Variants in NKAIN3 observed in about 807,000 individuals in gnomAD.
NKAIN3 encodes sodium/potassium-transporting ATPase subunit beta-1-interacting protein 3.
In NKAIN3, 25 loss-of-function variants were observed where a neutral mutation model predicts 30.2. The ratio of observed to expected loss-of-function variants is 0.83; its 90% CI spans 0.60 to 1.16. The LOEUF (loss-of-function observed/expected upper bound fraction) is 1.16. Ranked by LOEUF, NKAIN3 falls within the 50% of genes most tolerant of loss-of-function variation. The pLI is 0.00. For missense variants in NKAIN3, 225 were observed against 254.1 expected (o/e 0.89, Z 0.78); for synonymous variants, 91 against 89.6 (o/e 1.02, Z -0.09).
chr8:62,529,372 T>A (rs926323651), intron 1 of NKAIN3, among the ~76,000 whole-genome samples: 1 of 152,184 alleles, frequency 6.6e-6, no homozygotes, highest in Non-Finnish European at 1.5e-5. Flanking sequence ...ATTGAATGAA[T>A]CTTTTTTTCC....
intron 1 of NKAIN3, among the ~76,000 whole-genome samples, chr8:62,315,410 A>G (rs912435364): frequency 6.6e-6 from 1 of 152,222 alleles, no homozygotes; most frequent in Non-Finnish European, 1.5e-5. Flanking sequence ...AATGAAAAAG[A>G]AGGATGATCT....
At chr8:62,306,286 ACT>A (rs1814237385) in intron 1 of NKAIN3, among the ~76,000 whole-genome samples, 1 of 149,432 alleles carries the variant, frequency 6.7e-6, no homozygotes, top group Non-Finnish European at 1.5e-5. Flanking sequence ...TGAAAGGAGG[ACT>A]CTCTTGCTTT....
intron 3 of NKAIN3, among the ~76,000 whole-genome samples, chr8:62,695,013 C>G (rs1814107061): frequency 1.3e-5 from 2 of 152,148 alleles, no homozygotes; most frequent in African/African-American, 4.8e-5. Flanking sequence ...TAGCTTTTCT[C>G]TAGTGTCTAC....
At position 62,973,624 on chromosome 8, in the gene NKAIN3, C is replaced by T. The variant is rs1400596160; in HGVS notation, c.*8217C>T. Among the ~76,000 whole-genome samples, 3 of 152,192 alleles carry T rather than the reference C, an allele frequency of 2.0e-5. No individual in the cohort carries two copies. The highest frequency in any genetic ancestry group is 1.9e-4 in the East Asian group (1 of 5,176). ...TCCCATTCTGTAGGTTGCCTGTTCA[C>T]TCTGATAATAGTTTCTTTTGCTGCA... is the stretch of plus-strand genomic sequence containing the variant. On this transcript the variant is annotated 3_prime_UTR_variant, in exon 7 of 7. Transcript: ENST00000623646.
chr8:62,304,371 T>C (rs1351556975), intron 1 of NKAIN3, among the ~76,000 whole-genome samples: 2 of 150,472 alleles, frequency 1.3e-5, no homozygotes, highest in East Asian at 3.9e-4. Flanking sequence ...TTTAATCTTC[T>C]GAGCTGAGTT....
At chr8:62,600,569 G>T (rs907596093) in intron 3 of NKAIN3, among the ~76,000 whole-genome samples, 1 of 151,992 alleles carries the variant, frequency 6.6e-6, no homozygotes, top group African/African-American at 2.4e-5. Context: ...GCTTCCTTCC[G>T]AAGGTCACTT....
At chr8:62,839,044 T>TC (rs1819451506) in intron 4 of NKAIN3, among the ~76,000 whole-genome samples, 1 of 151,994 alleles carries the variant, frequency 6.6e-6, no homozygotes, top group African/African-American at 2.4e-5. Flanking sequence ...TTACCTCCCT[T>TC]CGTACACACA....
chr8:62,545,820 A>G (rs372447523), intron 1 of NKAIN3, among the ~76,000 whole-genome samples: 7 of 152,316 alleles, frequency 4.6e-5, no homozygotes, highest in African/African-American at 1.7e-4. Context: ...TCAATCAAAT[A>G]GATTCCTAGA....
chr8:62,810,865 A>G (rs1818463866), intron 4 of NKAIN3, among the ~76,000 whole-genome samples: 2 of 152,266 alleles, frequency 1.3e-5, no homozygotes, highest in African/African-American at 2.4e-5. Flanking sequence ...GTACAGCTGT[A>G]GGAAATTATA....
intron 3 of NKAIN3, among the ~76,000 whole-genome samples, chr8:62,596,361 G>A (rs1810835529): frequency 6.6e-6 from 1 of 151,912 alleles, no homozygotes; most frequent in African/African-American, 2.4e-5. Flanking sequence ...TATCCACTGG[G>A]CAGTTCCTTT....
At chr8:62,429,920 C>T (rs938884619) in intron 1 of NKAIN3, among the ~76,000 whole-genome samples, 2 of 151,802 alleles carry the variant, frequency 1.3e-5, no homozygotes, top group African/African-American at 4.8e-5. Context: ...TGTGCAGCCA[C>T]CATCACCACC....
At chr8:62,330,874 A>G (rs1815321931) in intron 1 of NKAIN3, among the ~76,000 whole-genome samples, 1 of 151,832 alleles carries the variant, frequency 6.6e-6, no homozygotes. Flanking sequence ...AAACACTCAT[A>G]TGAGTGTTCA....
At chr8:62,570,795 C>G (rs2130018349) in intron 1 of NKAIN3, among the ~76,000 whole-genome samples, 1 of 151,132 alleles carries the variant, frequency 6.6e-6, no homozygotes, top group South Asian at 2.1e-4. Flanking sequence ...ACAGGCAGCT[C>G]AAAGTGAGCT....
Position 62,430,366 on chromosome 8 carries a change from GGTGTGTGTGT to G in NKAIN3, c.55-149141_55-149132del, listed in dbSNP as rs59837325. 5.0e-3 allele frequency among the ~76,000 whole-genome samples: 716 copies of G among 142,564 alleles called. 7 individuals are homozygous for G. Among genetic ancestry groups the G allele is most frequent in the African/African-American group, 0.017 (671 of 38,784 alleles). The allele number at this position is 142,564 out of a possible 152,430, so 93.5% of individuals were successfully genotyped here. ...TCTGAGATACATACATATATATTGT[GGTGTGTGTGT>G]GTGTGTGTGTGTGTGTGTGTGTGTG... is the stretch of plus-strand genomic sequence containing the variant. On this transcript the variant is annotated intron_variant, in intron 1 of 6. Coordinates refer to ENST00000623646, the MANE Select transcript of NKAIN3 (RefSeq NM_001304533.3).
At chr8:62,799,684 C>G (rs1215854141) in intron 4 of NKAIN3, among the ~76,000 whole-genome samples, 1 of 152,164 alleles carries the variant, frequency 6.6e-6, no homozygotes, top group Non-Finnish European at 1.5e-5. Context: ...ATCCAGCAAT[C>G]CCACTACTAC....
intron 1 of NKAIN3, among the ~76,000 whole-genome samples, chr8:62,514,205 T>C (rs563490629): frequency 5.9e-5 from 9 of 152,236 alleles, no homozygotes; most frequent in African/African-American, 2.2e-4. Flanking sequence ...TTCTATGACA[T>C]CCACTCATGC....
chr8:62,555,011 TACACACACACAC>T (rs59610407), intron 1 of NKAIN3, among the ~76,000 whole-genome samples: 5,690 of 144,984 alleles, frequency 0.039, 317 homozygotes, highest in African/African-American at 0.13. Flanking sequence ...GCAGAATCTA[TACACACACACAC>T]ACACACACAC....
At chr8:62,345,496 C>CATATATGTACATATACACACATATGT (rs1554669304) in intron 1 of NKAIN3, among the ~76,000 whole-genome samples, 5 of 117,522 alleles carry the variant, frequency 4.3e-5, no homozygotes, top group Admixed American at 3.4e-4. Flanking sequence ...TATATACACA[C>CATATATGTACATATACACACATATGT]ATATATACAC....
chr8:62,626,845 G>T (rs1206739770), intron 3 of NKAIN3, among the ~76,000 whole-genome samples: 2 of 152,128 alleles, frequency 1.3e-5, no homozygotes, highest in East Asian at 3.9e-4. Flanking sequence ...ATTTCAGACA[G>T]TAAGTCAACC....
Sources: allele counts gnomAD v4.1 joint callset (sites outside exome capture counted in the v4.1 genomes callset), GRCh38; gene constraint gnomAD v4.1.1; transcripts MANE v1.5; gene names NCBI Gene and HGNC (gene_info 2026-07-23, HGNC 2026-07-21).